Variants in COLEC12 observed in about 807,000 individuals in gnomAD.
COLEC12 encodes the protein collectin subfamily member 12.
A neutral mutation model predicts 71.1 loss-of-function variants in COLEC12; 33 were observed. The ratio of observed to expected loss-of-function variants is 0.46; its 90% CI spans 0.35 to 0.62. The LOEUF (loss-of-function observed/expected upper bound fraction) is 0.62. Among genes scored for constraint, COLEC12 ranks in the 20% least tolerant of loss-of-function variants. The probability of loss-of-function intolerance (pLI) is 0.00; values close to 1 mark genes in which losing one functional copy is unlikely to be tolerated. For missense variants in COLEC12, 765 were observed against 916.1 expected (o/e 0.84, Z 2.13); for synonymous variants, 350 against 353.0 (o/e 0.99, Z 0.10).
intron 3 of COLEC12, among the ~76,000 whole-genome samples, chr18:352,507 A>T (rs530588180): frequency 2.0e-4 from 31 of 152,112 alleles, no homozygotes; most frequent in East Asian, 9.7e-4. Context: ...TACATTCATT[A>T]AAAAAAAGAA....
intron 2 of COLEC12, among the ~76,000 whole-genome samples, chr18:407,084 G>A (rs1462046546): frequency 3.3e-5 from 5 of 152,246 alleles, no homozygotes; most frequent in East Asian, 1.9e-4. Flanking sequence ...GAAACACAGG[G>A]GTGAGAATTT....
chr18:360,893 T>C (rs1230391990), intron 2 of COLEC12, among the ~76,000 whole-genome samples: 8 of 152,182 alleles, frequency 5.3e-5, no homozygotes, highest in Non-Finnish European at 1.2e-4. Context: ...TACTTCCTTA[T>C]AGCCACCTGT....
At chr18:350,175 G>A (rs1238577202) in intron 3 of COLEC12, among the ~76,000 whole-genome samples, 8 of 152,330 alleles carry the variant, frequency 5.3e-5, no homozygotes, top group South Asian at 2.1e-4. Flanking sequence ...GTTGTGGGAA[G>A]GACCCAGTGG....
chr18:398,513 T>A (rs1263447820), intron 2 of COLEC12, among the ~76,000 whole-genome samples: 1 of 152,162 alleles, frequency 6.6e-6, no homozygotes, highest in East Asian at 1.9e-4. Context: ...TCGGCTCTTT[T>A]GAATGTGGTC....
chr18:396,970 G>A (rs879894811), intron 2 of COLEC12, among the ~76,000 whole-genome samples: 5 of 152,122 alleles, frequency 3.3e-5, no homozygotes, highest in South Asian at 2.1e-4. Flanking sequence ...CAGGTCCCAC[G>A]AATGCATCTC....
At chr18:361,838 G>T (rs1013103098) in intron 2 of COLEC12, among the ~76,000 whole-genome samples, 1 of 152,168 alleles carries the variant, frequency 6.6e-6, no homozygotes, top group Admixed American at 6.5e-5. Flanking sequence ...ATGGCTGATG[G>T]GCGGGTTTAT....
chr18:482,061 C>A (rs1917429325), intron 1 of COLEC12, among the ~76,000 whole-genome samples: 1 of 152,018 alleles, frequency 6.6e-6, no homozygotes, highest in South Asian at 2.1e-4. Flanking sequence ...CAATTCCCAT[C>A]CTCCTCTCAC....
At chr18:369,066 T>C (rs1377949838) in intron 2 of COLEC12, among the ~76,000 whole-genome samples, 1 of 152,204 alleles carries the variant, frequency 6.6e-6, no homozygotes, top group African/African-American at 2.4e-5. Flanking sequence ...ATTCACACCA[T>C]TGAAATCAGC....
chr18:496,147 T>C (rs1280619511), intron 1 of COLEC12, among the ~76,000 whole-genome samples: 1 of 152,224 alleles, frequency 6.6e-6, no homozygotes, highest in African/African-American at 2.4e-5. Context: ...AGAGTTGTTT[T>C]GAAATAATAT....
intron 2 of COLEC12, among the ~76,000 whole-genome samples, chr18:372,683 G>A (rs687656): frequency 0.31 from 46,757 of 152,072 alleles, 7,652 homozygotes; most frequent in African/African-American, 0.39. Context: ...CTCCCAAAGT[G>A]CTGGGATTAC....
At chr18:393,524 C>T (rs914366982) in intron 2 of COLEC12, among the ~76,000 whole-genome samples, 32 of 152,208 alleles carry the variant, frequency 2.1e-4, no homozygotes, top group Non-Finnish European at 3.5e-4. Flanking sequence ...CCACTCTCTA[C>T]CATGAATCTA....
chr18:417,255 C>T (rs887792642), intron 2 of COLEC12, among the ~76,000 whole-genome samples: 2 of 152,130 alleles, frequency 1.3e-5, no homozygotes, highest in African/African-American at 2.4e-5. Flanking sequence ...GCAACTGTAA[C>T]ACAATGTTAA....
At chr18:322,779 C>T (rs1437623374) in intron 8 of COLEC12, among the ~76,000 whole-genome samples, 1 of 152,086 alleles carries the variant, frequency 6.6e-6, no homozygotes, top group Non-Finnish European at 1.5e-5. Context: ...TCGGGTCACC[C>T]GAGGAGACAG....
chr18:360,132 GT>G (rs1220977890), intron 2 of COLEC12, among the ~76,000 whole-genome samples: 8 of 150,914 alleles, frequency 5.3e-5, no homozygotes, highest in African/African-American at 1.9e-4. Context: ...AAAACACACT[GT>G]TTCTAATTCA....
chr18:321,091 G>T (rs577378663), intron 9 of COLEC12, among the ~76,000 whole-genome samples: 79 of 152,352 alleles, frequency 5.2e-4, no homozygotes, highest in African/African-American at 1.8e-3. Context: ...TTTCGCTGTT[G>T]TTTCCCAGGC....
At chr18:345,792 CTTCTT>C (rs1229144770) in intron 5 of COLEC12, among the ~76,000 whole-genome samples, 1 of 152,250 alleles carries the variant, frequency 6.6e-6, no homozygotes, top group Non-Finnish European at 1.5e-5. Context: ...CTTAGTTACA[CTTCTT>C]TTCAAGATGT....
Position 500,571 on chromosome 18 carries a change from G to A in COLEC12, c.-57C>T. 1.7e-6 allele frequency: 2 copies of A among 1,211,356 alleles called. No individual in the cohort carries two copies. Among genetic ancestry groups the A allele is most frequent in the Non-Finnish European group, 2.1e-6 (2 of 974,572 alleles). 75.0% of individuals were successfully genotyped at this position (1,211,356 alleles called of 1,614,324 possible). A position where few individuals can be genotyped will look rare whatever the true frequency, so the allele number is the denominator to read the frequency against. On this transcript the variant is annotated 5_prime_UTR_variant, in exon 1 of 10. Transcript: ENST00000400256. This position sits in a 1 kb window ranked among gnomAD's most constrained non-coding sequence, Gnocchi z 5.3. Reference sequence around the variant, plus strand: ...AGCTCCGCGCGAGCGCCGCGCAGCCGAGGAAGTCGTCCCGAGCGGCTGCTC... The same window carrying A: ...AGCTCCGCGCGAGCGCCGCGCAGCCAAGGAAGTCGTCCCGAGCGGCTGCTC...
At chr18:361,839 G>A (rs1463578600) in intron 2 of COLEC12, among the ~76,000 whole-genome samples, 1 of 152,162 alleles carries the variant, frequency 6.6e-6, no homozygotes, top group Non-Finnish European at 1.5e-5. Flanking sequence ...TGGCTGATGG[G>A]CGGGTTTATT....
intron 2 of COLEC12, among the ~76,000 whole-genome samples, chr18:382,734 G>A (rs1416727267): frequency 1.3e-5 from 2 of 151,970 alleles, no homozygotes; most frequent in African/African-American, 4.8e-5. Flanking sequence ...GGCACAAAGT[G>A]GGCCAGTGTA....
Sources: gnomAD v4.1 joint callset for allele counts (sites outside exome capture counted in the v4.1 genomes callset) on GRCh38, gnomAD v4.1.1 for gene constraint, Gnocchi (gnomAD v3.1) non-coding constraint, MANE v1.5 for transcripts, NCBI Gene and HGNC (gene_info 2026-07-23, HGNC 2026-07-21) for gene names.